The following FMNL2 variants were observed in gnomAD, a reference collection of about 807,000 sequenced individuals.
The protein encoded by FMNL2 is formin like 2, also known as formin-like protein 2.
FMNL2 carries 51 observed loss-of-function variants against 130.2 expected under a neutral mutation model. The ratio of observed to expected loss-of-function variants is 0.39; its 90% CI spans 0.31 to 0.49. FMNL2 has a LOEUF of 0.49. FMNL2 is among the 20% of genes least tolerant of loss of function. FMNL2 has a pLI of 0.85. For synonymous variants in FMNL2, 465 were observed against 467.1 expected (o/e 1.00, Z 0.06); for missense variants, 977 against 1,316.2 (o/e 0.74, Z 3.99).
At position 152,490,569 on chromosome 2, in the gene FMNL2, A is replaced by ATGTGTGTGTGTGTGTGTGTG. The variant is rs58838989; in HGVS notation, c.118-31346_118-31327dup. ...GCTTCTCTTCAGCTTTTGCTATCCA[A>ATGTGTGTGTGTGTGTGTGTG]TGTGTGTGTGTGTGTGTGTGTGTGT... On this transcript the variant is annotated intron_variant, in intron 1 of 25. Coordinates refer to ENST00000288670, the MANE Select transcript of FMNL2 (RefSeq NM_052905.4). Among the ~76,000 whole-genome samples, 46 of 108,564 alleles carry ATGTGTGTGTGTGTGTGTGTG rather than the reference A, an allele frequency of 4.2e-4. 4 individuals are homozygous for ATGTGTGTGTGTGTGTGTGTG. Among genetic ancestry groups the ATGTGTGTGTGTGTGTGTGTG allele is most frequent in the South Asian group, 1.2e-3 (3 of 2,598 alleles). The allele number at this position is 108,564 out of a possible 152,430, so 71.2% of individuals were successfully genotyped here. A position where few individuals can be genotyped will look rare whatever the true frequency, so the allele number is the denominator to read the frequency against.
At position 152,356,685 on chromosome 2, in the gene FMNL2, A is replaced by G. The variant is rs372966296; in HGVS notation, c.117+20965A>G. Among the ~76,000 whole-genome samples, 28 of 150,792 alleles carry G rather than the reference A, an allele frequency of 1.9e-4. No homozygotes were observed. In the South Asian group the frequency reaches 5.9e-3, roughly 32 times the overall value. ...TTTTTTGTTTCAGCATGCATACTGT[A>G]CACGTGTATCCTTTTTGCTTTCTAT... is the stretch of plus-strand genomic sequence containing the variant. On this transcript the variant is annotated intron_variant, in intron 1 of 25. Transcript: ENST00000288670.
chr2:152,413,899 G>A (rs769464228), intron 1 of FMNL2, among the ~76,000 whole-genome samples: 1 of 152,210 alleles, frequency 6.6e-6, no homozygotes, highest in Non-Finnish European at 1.5e-5. Context: ...GACCCATGTG[G>A]TGACTTTTAT....
intron 9 of FMNL2, among the ~76,000 whole-genome samples, chr2:152,589,999 A>G (rs1187941465): frequency 4.3e-5 from 5 of 115,936 alleles, no homozygotes; most frequent in African/African-American, 1.6e-4. Flanking sequence ...ATGTATATGT[A>G]TATATATATA....
chr2:152,359,127 A>G (rs1683012009), intron 1 of FMNL2, among the ~76,000 whole-genome samples: 1 of 152,238 alleles, frequency 6.6e-6, no homozygotes. Context: ...TACAAACATA[A>G]ATAAAATTAT....
intron 15 of FMNL2, among the ~76,000 whole-genome samples, chr2:152,622,884 A>T (rs1339469382): frequency 1.3e-5 from 2 of 151,802 alleles, no homozygotes; most frequent in Non-Finnish European, 2.9e-5. Flanking sequence ...TAAGAACAAA[A>T]AAAAGGTGCC....
intron 10 of FMNL2, among the ~76,000 whole-genome samples, chr2:152,608,986 T>C (rs967877062): frequency 7.9e-5 from 12 of 152,174 alleles, no homozygotes; most frequent in Non-Finnish European, 1.3e-4. Flanking sequence ...CCTATTGCTT[T>C]AGTCCAAAGA....
rs372504805 is a variant in FMNL2, at chr2:152,500,471, G to A, written c.118-21472G>A. On this transcript the variant is annotated intron_variant, in intron 1 of 25. Coordinates refer to ENST00000288670, the MANE Select transcript of FMNL2 (RefSeq NM_052905.4). ...TTTTTCTTAGAAGCACCTGAGATTC[G>A]TTCAGCTAAAGAATCAACAGCTGTC... is the stretch of plus-strand genomic sequence containing the variant. Among the ~76,000 whole-genome samples the A allele has an allele frequency of 1.6e-4, 25 of 152,188 alleles. No individual in the cohort carries two copies. In the East Asian group the frequency reaches 4.3e-3, roughly 26 times the overall value.
At chr2:152,497,579 T>A (rs1361901351) in intron 1 of FMNL2, among the ~76,000 whole-genome samples, 1 of 152,222 alleles carries the variant, frequency 6.6e-6, no homozygotes, top group Non-Finnish European at 1.5e-5. Context: ...TTTCTGTAGA[T>A]AATCTCATTA....
intron 1 of FMNL2, among the ~76,000 whole-genome samples, chr2:152,366,941 C>A (rs968817558): frequency 4.6e-5 from 7 of 152,164 alleles, no homozygotes; most frequent in Non-Finnish European, 1.0e-4. Context: ...GCCTTGATTG[C>A]ACCACTGTAT....
intron 9 of FMNL2, among the ~76,000 whole-genome samples, chr2:152,599,054 G>A (rs1421284197): frequency 6.6e-6 from 1 of 152,222 alleles, no homozygotes; most frequent in African/African-American, 2.4e-5. Context: ...CTCAAGATGA[G>A]AGAGAATTCA....
intron 3 of FMNL2, among the ~76,000 whole-genome samples, chr2:152,545,383 T>C (rs544502276): frequency 1.3e-5 from 2 of 152,212 alleles, no homozygotes; most frequent in Non-Finnish European, 2.9e-5. Flanking sequence ...TAATCTTTTG[T>C]GCAAATTGAA....
chr2:152,393,626 A>G (rs1458611850), intron 1 of FMNL2, among the ~76,000 whole-genome samples: 1 of 152,258 alleles, frequency 6.6e-6, no homozygotes, highest in East Asian at 1.9e-4. Context: ...TTTGGAAGTG[A>G]AAGTGAACAT....
intron 2 of FMNL2, among the ~76,000 whole-genome samples, chr2:152,529,562 A>G (rs1693578420): frequency 6.6e-6 from 1 of 152,138 alleles, no homozygotes; most frequent in Non-Finnish European, 1.5e-5. Flanking sequence ...CAGGTCTCTG[A>G]TTCTTTGATT....
At position 152,348,623 on chromosome 2, in the gene FMNL2, C is replaced by T. The variant is rs537744656; in HGVS notation, c.117+12903C>T. The stretch of plus-strand genomic sequence containing the variant: ...TGACTGTGGTAGGTGTCCAAGAATA[C>T]GAAACATTCAGAGACAACAAGTTGG... On this transcript the variant is annotated intron_variant, in intron 1 of 25. Coordinates refer to ENST00000288670, the MANE Select transcript of FMNL2 (RefSeq NM_052905.4). Among the ~76,000 whole-genome samples the T allele has an allele frequency of 4.6e-5, 7 of 152,268 alleles. No homozygotes were observed. The East Asian group carries it at 5.8e-4, about 13-fold the overall frequency.
intron 3 of FMNL2, among the ~76,000 whole-genome samples, chr2:152,547,339 G>A (rs1694700426): frequency 6.6e-6 from 1 of 152,168 alleles, no homozygotes; most frequent in Non-Finnish European, 1.5e-5. Flanking sequence ...AAACTCTCAA[G>A]TATGCCACCA....
In FMNL2 at chr2:152,377,584, A is replaced by G. The variant is rs149078880; in HGVS notation, c.117+41864A>G. ...TACACAAGAGCTACATGTGGCTAGT[A>G]GCTACTCCATTGGACAGTATATAGG... is the stretch of plus-strand genomic sequence containing the variant. On this transcript the variant is annotated intron_variant, in intron 1 of 25. Transcript: ENST00000288670. 8.3e-3 allele frequency among the ~76,000 whole-genome samples: 1,269 copies of G among 152,334 alleles called. 24 individuals carry two copies. The highest frequency in any genetic ancestry group is 0.029 in the African/African-American group (1,201 of 41,586).
intron 22 of FMNL2, 143 bp from the exon 23 acceptor site, chr2:152,637,430 T>C (rs1229083563): frequency 1.5e-6 from 1 of 652,210 alleles, no homozygotes; most frequent in Non-Finnish European, 2.7e-6. Context: ...CGTTAGGCAA[T>C]CTTGGGAGGT....
At chr2:152,537,318 T>C (rs1408928653) in intron 2 of FMNL2, among the ~76,000 whole-genome samples, 5 of 152,218 alleles carry the variant, frequency 3.3e-5, no homozygotes, top group African/African-American at 1.2e-4. Context: ...AATAAGTGTT[T>C]TGTTTTTTCC....
At chr2:152,431,286 A>G (rs1687478482) in intron 1 of FMNL2, among the ~76,000 whole-genome samples, 1 of 152,212 alleles carries the variant, frequency 6.6e-6, no homozygotes, top group South Asian at 2.1e-4. Flanking sequence ...CTCAATTATG[A>G]TAATGGTGTG....
Sources: gnomAD v4.1 joint callset for allele counts (sites outside exome capture counted in the v4.1 genomes callset) on GRCh38, gnomAD v4.1.1 for gene constraint, MANE v1.5 for transcripts, NCBI Gene and HGNC (gene_info 2026-07-23, HGNC 2026-07-21) for gene names.